RBFOX1: variants seen among roughly 807,000 people sequenced by gnomAD.
The protein encoded by RBFOX1 is RNA binding fox-1 homolog 1.
RBFOX1 carries 8 observed loss-of-function variants against 57.7 expected under a neutral mutation model. That is an observed-to-expected ratio of 0.14 (90% confidence interval 0.08 to 0.25). The LOEUF (loss-of-function observed/expected upper bound fraction) is 0.25, where lower values mean the gene tolerates loss of function less well. RBFOX1 is among the 10% of genes least tolerant of loss of function. The pLI is 1.00. For synonymous variants in RBFOX1, 326 were observed against 222.4 expected (o/e 1.47, Z -4.15); for missense variants, 611 against 548.5 (o/e 1.11, Z -1.14).
intron 3 of RBFOX1, among the ~76,000 whole-genome samples, chr16:6,825,644 C>T (rs1053948677): frequency 2.0e-5 from 3 of 152,072 alleles, no homozygotes; most frequent in South Asian, 2.1e-4. Flanking sequence ...ATTTATTCAC[C>T]GCTTCACTGC....
At chr16:7,483,930 A>G (rs935073446) in intron 4 of RBFOX1, among the ~76,000 whole-genome samples, 1 of 152,230 alleles carries the variant, frequency 6.6e-6, no homozygotes, top group Non-Finnish European at 1.5e-5. Context: ...TGATGATTAT[A>G]TACAATCTCA....
intron 3 of RBFOX1, among the ~76,000 whole-genome samples, chr16:5,828,599 C>T (rs774900991): frequency 3.3e-5 from 5 of 151,694 alleles, no homozygotes; most frequent in African/African-American, 4.9e-5. Context: ...CTCGGGAGGC[C>T]GAGGCAGGAG....
intron 2 of RBFOX1, among the ~76,000 whole-genome samples, chr16:5,586,782 C>G (rs943496199): frequency 3.3e-5 from 5 of 152,218 alleles, no homozygotes; most frequent in African/African-American, 1.2e-4. Flanking sequence ...CAAGTGTAAG[C>G]CACCATGGCT....
chr16:7,294,030 C>T (rs1246489559), intron 4 of RBFOX1, among the ~76,000 whole-genome samples: 2 of 152,054 alleles, frequency 1.3e-5, no homozygotes, highest in Admixed American at 1.3e-4. Flanking sequence ...TTTCTGGGGT[C>T]AAAGAACCTT....
Position 5,715,276 on chromosome 16 carries a change from T to TTGTGGATGA in RBFOX1, c.318+116317_318+116325dup, listed in dbSNP as rs199559362. ...AATTCAATTACAGAGAAGCTCTACC[T>TTGTGGATGA]TGTGGATGATTAAACTGTAAATTGT... On this transcript the variant is annotated intron_variant, in intron 3 of 19. Transcript: ENST00000641259. Among the ~76,000 whole-genome samples, 3 of 152,330 alleles carry TTGTGGATGA rather than the reference T, an allele frequency of 2.0e-5. No homozygotes were observed. The East Asian group carries it at 5.8e-4, about 29-fold the overall frequency.
At chr16:7,197,214 T>G (rs1029329862) in intron 4 of RBFOX1, among the ~76,000 whole-genome samples, 1 of 152,172 alleles carries the variant, frequency 6.6e-6, no homozygotes, top group Non-Finnish European at 1.5e-5. Flanking sequence ...CAAGCCTCCT[T>G]CATAGCCGTT....
chr16:5,942,699 C>T (rs2059306717), intron 4 of RBFOX1, among the ~76,000 whole-genome samples: 1 of 152,106 alleles, frequency 6.6e-6, no homozygotes, highest in Non-Finnish European at 1.5e-5. Context: ...GTTAGCTTGG[C>T]CTATACCCCC....
Position 6,299,665 on chromosome 16 carries a change from C to G in RBFOX1, c.-126-17330C>G, listed in dbSNP as rs555485571. Among the ~76,000 whole-genome samples, 3 of 152,256 alleles carry G rather than the reference C, an allele frequency of 2.0e-5. No individual in the cohort carries two copies. The East Asian group carries it at 5.8e-4, about 29-fold the overall frequency. On this transcript the variant is annotated intron_variant, in intron 1 of 15. Transcript: ENST00000550418. ...CAAGTCATTCCCCTTCTCAGAGATCCCTAATGGATCCTTAATGACTACCTG... is the reference window on the plus strand; with the variant it reads ...CAAGTCATTCCCCTTCTCAGAGATCGCTAATGGATCCTTAATGACTACCTG...
chr16:6,468,845 T>C (rs1476580623), intron 2 of RBFOX1, among the ~76,000 whole-genome samples: 1 of 152,134 alleles, frequency 6.6e-6, no homozygotes, highest in Non-Finnish European at 1.5e-5. Context: ...ATAGGTAAAC[T>C]TGTGTCATGG....
chr16:5,627,559 G>C (rs2048381257), intron 3 of RBFOX1, among the ~76,000 whole-genome samples: 1 of 152,102 alleles, frequency 6.6e-6, no homozygotes, highest in Non-Finnish European at 1.5e-5. Flanking sequence ...ACCTTCAGTA[G>C]AGAAGCGACA....
intron 4 of RBFOX1, among the ~76,000 whole-genome samples, chr16:5,943,630 AT>A (rs2059326790): frequency 6.6e-6 from 1 of 152,130 alleles, no homozygotes; most frequent in South Asian, 2.1e-4. Flanking sequence ...CTGCATCTTG[AT>A]TGATTTATCT....
chr16:7,423,877 G>C (rs1419477930), intron 4 of RBFOX1, among the ~76,000 whole-genome samples: 1 of 152,114 alleles, frequency 6.6e-6, no homozygotes, highest in Non-Finnish European at 1.5e-5. Flanking sequence ...ATGCACATGA[G>C]CTGTCTTTAC....
chr16:7,693,430 TTTTTC>T, intron 14 of RBFOX1: 1 of 1,322,826 alleles, frequency 7.6e-7, no homozygotes, highest in Non-Finnish European at 1.1e-6. Flanking sequence ...TTTTTTTTTT[TTTTTC>T]TTCTTCACAT....
chr16:6,573,523 C>T lies in RBFOX1; in HGVS notation c.-63-81080C>T, dbSNP rs560249441. 2.6e-5 allele frequency among the ~76,000 whole-genome samples: 4 copies of T among 152,326 alleles called. No individual in the cohort carries two copies. The South Asian group carries it at 8.3e-4, about 32-fold the overall frequency. On this transcript the variant is annotated intron_variant, in intron 2 of 15. Transcript: ENST00000550418. ...AAATTCTTCTGATTTACTGTGAGTG[C>T]AAATCTCTGATATTCCTGCATCTCC...
intron 2 of RBFOX1, among the ~76,000 whole-genome samples, chr16:6,501,152 T>TA (rs59064690): frequency 1.4e-5 from 2 of 146,040 alleles, no homozygotes; most frequent in Admixed American, 6.7e-5. Context: ...TTTTTTTTTT[T>TA]ATTTCACTTG....
At chr16:6,966,169 C>A (rs370732148) in intron 3 of RBFOX1, among the ~76,000 whole-genome samples, 1 of 152,096 alleles carries the variant, frequency 6.6e-6, no homozygotes, top group Non-Finnish European at 1.5e-5. Context: ...TACGCTCTTG[C>A]CAGAGGCTTC....
intron 3 of RBFOX1, among the ~76,000 whole-genome samples, chr16:5,856,181 CTCTCTCTA>C (rs1215200423): frequency 2.8e-4 from 14 of 50,032 alleles, no homozygotes; most frequent in South Asian, 6.8e-4. Flanking sequence ...CTCTCTCTCT[CTCTCTCTA>C]TATATATATA....
At chr16:7,486,606 T>C (rs975266926) in intron 4 of RBFOX1, among the ~76,000 whole-genome samples, 3 of 152,156 alleles carry the variant, frequency 2.0e-5, no homozygotes, top group Non-Finnish European at 4.4e-5. Flanking sequence ...GCACCTGGCA[T>C]TCACAGTGTC....
intron 1 of RBFOX1, among the ~76,000 whole-genome samples, chr16:6,052,872 G>C (rs918860312): frequency 2.6e-5 from 4 of 151,130 alleles, no homozygotes; most frequent in Non-Finnish European, 5.9e-5. Context: ...GCAGGTATTA[G>C]ATGAGATCGC....
Sources: gnomAD v4.1 joint callset for allele counts (sites outside exome capture counted in the v4.1 genomes callset) on GRCh38, gnomAD v4.1.1 for gene constraint, MANE v1.5 for transcripts, NCBI Gene and HGNC (gene_info 2026-07-23, HGNC 2026-07-21) for gene names.